NCKAP5: variants seen among roughly 807,000 people sequenced by gnomAD.
The protein encoded by NCKAP5 is nck-associated protein 5.
Under a neutral mutation model 167.0 loss-of-function variants are expected in NCKAP5, and 92 were observed. That is an observed-to-expected ratio of 0.55 (90% CI 0.47 to 0.66). The LOEUF is 0.66. Ranked by LOEUF, NCKAP5 falls within the 30% of genes least tolerant of loss-of-function variation. NCKAP5 has a pLI of 0.00. For missense variants in NCKAP5, 2,378 were observed against 2,315.0 expected (o/e 1.03, Z -0.56); for synonymous variants, 891 against 877.4 (o/e 1.02, Z -0.27).
At chr2:133,111,224 T>C (rs6712415) in intron 6 of NCKAP5, among the ~76,000 whole-genome samples, 38,975 of 151,978 alleles carry the variant, frequency 0.26, 5,934 homozygotes, top group East Asian at 0.53. Context: ...CCAATTTAAG[T>C]GAAGGTGAAT....
chr2:133,094,323 G>T (rs2081281196), intron 6 of NCKAP5, among the ~76,000 whole-genome samples: 1 of 151,950 alleles, frequency 6.6e-6, no homozygotes, highest in Non-Finnish European at 1.5e-5. Context: ...GGAGCCGGAG[G>T]GTTTGATCCC....
chr2:133,077,278 T>C (rs1027371688), intron 6 of NCKAP5, among the ~76,000 whole-genome samples: 2 of 152,210 alleles, frequency 1.3e-5, no homozygotes, highest in Non-Finnish European at 2.9e-5. Flanking sequence ...ATTCTATCTT[T>C]AGGATTCCAA....
chr2:132,837,889 C>T (rs925274957), intron 11 of NCKAP5, among the ~76,000 whole-genome samples: 3 of 152,076 alleles, frequency 2.0e-5, no homozygotes, highest in Non-Finnish European at 4.4e-5. Flanking sequence ...TGATCCAATC[C>T]CCACAGGCTG....
At chr2:133,258,840 T>C (rs1282663184) in intron 4 of NCKAP5, among the ~76,000 whole-genome samples, 4 of 152,150 alleles carry the variant, frequency 2.6e-5, no homozygotes, top group Non-Finnish European at 5.9e-5. Flanking sequence ...AGAGAGAACT[T>C]CTGTAGGAGA....
At chr2:132,882,349 A>G (rs375631241) in intron 8 of NCKAP5, among the ~76,000 whole-genome samples, 2 of 152,156 alleles carry the variant, frequency 1.3e-5, no homozygotes, top group East Asian at 3.9e-4. Flanking sequence ...CCACACTCCT[A>G]CATGCACAGG....
chr2:133,071,465 A>C (rs1384711368), intron 6 of NCKAP5, among the ~76,000 whole-genome samples: 1 of 151,972 alleles, frequency 6.6e-6, no homozygotes, highest in Non-Finnish European at 1.5e-5. Context: ...AAACAAACAA[A>C]CAAAAAAAAA....
At chr2:133,250,804 C>T (rs575239500) in intron 4 of NCKAP5, among the ~76,000 whole-genome samples, 5 of 152,162 alleles carry the variant, frequency 3.3e-5, no homozygotes, top group Admixed American at 3.3e-4. Flanking sequence ...ATGGCACAAA[C>T]CTGTAGTCTC....
intron 3 of NCKAP5, among the ~76,000 whole-genome samples, chr2:133,419,663 C>T (rs980877027): frequency 9.8e-5 from 15 of 152,292 alleles, no homozygotes; most frequent in African/African-American, 3.4e-4. Flanking sequence ...CACACAGATG[C>T]TCTCTTAACC....
chr2:132,861,388 C>G (rs1689898956), intron 10 of NCKAP5, among the ~76,000 whole-genome samples: 1 of 152,000 alleles, frequency 6.6e-6, no homozygotes, highest in Non-Finnish European at 1.5e-5. Flanking sequence ...TATCTATGCC[C>G]TTTTTGATGG....
chr2:132,920,835 C>T (rs1286541902), intron 8 of NCKAP5, among the ~76,000 whole-genome samples: 2 of 108,290 alleles, frequency 1.8e-5, no homozygotes, highest in African/African-American at 7.0e-5. Flanking sequence ...ACTAGGTTGT[C>T]CTTTGAGGGC....
chr2:133,450,766 G>A (rs1691501129), intron 3 of NCKAP5, among the ~76,000 whole-genome samples: 1 of 152,140 alleles, frequency 6.6e-6, no homozygotes, highest in Non-Finnish European at 1.5e-5. Flanking sequence ...CCTTCTGGTT[G>A]ACATCAATCT....
chr2:132,820,531 GT>G (rs371735531), intron 11 of NCKAP5, among the ~76,000 whole-genome samples: 1 of 151,538 alleles, frequency 6.6e-6, no homozygotes, highest in Admixed American at 6.6e-5. Flanking sequence ...CCCAGCCAGT[GT>G]TTTTTTTGTT....
intron 3 of NCKAP5, among the ~76,000 whole-genome samples, chr2:133,453,372 T>C (rs1456166303): frequency 1.3e-5 from 2 of 152,144 alleles, no homozygotes; most frequent in Admixed American, 6.6e-5. Flanking sequence ...ATAATTCCAA[T>C]TGACTAAAAT....
chr2:132,748,869 C>T (rs374415373), intron 16 of NCKAP5, among the ~76,000 whole-genome samples: 6 of 152,020 alleles, frequency 3.9e-5, no homozygotes, highest in African/African-American at 1.4e-4. Context: ...CTGCAACCTC[C>T]GTCTCCTGGG....
intron 6 of NCKAP5, among the ~76,000 whole-genome samples, chr2:133,065,637 C>G (rs2080167025): frequency 6.6e-6 from 1 of 152,006 alleles, no homozygotes; most frequent in Admixed American, 6.6e-5. Flanking sequence ...AATTTTTTTT[C>G]TCTCTCATTA....
At chr2:133,412,501 A>C (rs1688838648) in intron 3 of NCKAP5, among the ~76,000 whole-genome samples, 1 of 152,148 alleles carries the variant, frequency 6.6e-6, no homozygotes, top group African/African-American at 2.4e-5. Context: ...CTTGGCCTTC[A>C]GACTCACAAG....
Position 133,303,017 on chromosome 2 carries a change from A to T in NCKAP5, c.143+20T>A. 1 of 1,572,090 alleles carries T rather than the reference A, an allele frequency of 6.4e-7. No homozygotes were observed. The highest frequency in any genetic ancestry group is 8.7e-7 in the Non-Finnish European group (1 of 1,150,348). ...AGGATGCTACCTGAGCAAGCAAATAAGAACATGAATTGAACTCACCTCCAG... is the reference window on the plus strand; with the variant it reads ...AGGATGCTACCTGAGCAAGCAAATATGAACATGAATTGAACTCACCTCCAG... On this transcript the variant is annotated intron_variant, in intron 4 of 19. Transcript: ENST00000409261.
At chr2:132,881,554 C>CTTT (rs35545031) in intron 8 of NCKAP5, among the ~76,000 whole-genome samples, 6 of 126,388 alleles carry the variant, frequency 4.7e-5, no homozygotes, top group African/African-American at 1.8e-4. Flanking sequence ...CCTTACCTTT[C>CTTT]TTTTTTTTTT....
At chr2:132,943,131 G>A (rs1214826929) in intron 8 of NCKAP5, among the ~76,000 whole-genome samples, 3 of 152,198 alleles carry the variant, frequency 2.0e-5, no homozygotes, top group Non-Finnish European at 4.4e-5. Context: ...CAATGTTAAA[G>A]CACAACATCT....
Sources: gnomAD v4.1 joint callset for allele counts (sites outside exome capture counted in the v4.1 genomes callset) on GRCh38, gnomAD v4.1.1 for gene constraint, MANE v1.5 for transcripts, NCBI Gene and HGNC (gene_info 2026-07-23, HGNC 2026-07-21) for gene names.